The following MECOM variants were observed in gnomAD, a reference collection of about 807,000 sequenced individuals.
MECOM encodes histone-lysine N-methyltransferase MECOM.
Under a neutral mutation model 116.3 loss-of-function variants are expected in MECOM, and 13 were observed. That is an observed-to-expected ratio of 0.11 (90% CI 0.07 to 0.18). The LOEUF is 0.18. MECOM is among the 10% of genes least tolerant of loss of function. The pLI is 1.00. For missense variants in MECOM, 1,299 were observed against 1,509.0 expected (o/e 0.86, Z 2.31); for synonymous variants, 528 against 535.2 (o/e 0.99, Z 0.19).
At chr3:169,359,447 A>G (rs1727828510) in intron 2 of MECOM, among the ~76,000 whole-genome samples, 1 of 151,754 alleles carries the variant, frequency 6.6e-6, no homozygotes, top group African/African-American at 2.4e-5. Flanking sequence ...AAGCCCACCA[A>G]GTGACATCAT....
rs1453120808 is a variant in MECOM at position 169,381,497 on chromosome 3, G to A, written c.65C>T (p.Pro22Leu). The part of the protein sequence containing the change: ...TNNECVYGNY[P>L]EIPLEEMPDA... The stretch of plus-strand genomic sequence containing the variant: ...TGGCATTTCTTCCAAAGGTATTTCA[G>A]GGTAGTTGCCATATACACACTCATT... Residue 22 changes from proline to leucine, a missense_variant, in exon 2 of 17, where the codon CCT becomes CTT. Around this residue, in one of 6 missense-constraint regions of MECOM, gnomAD observed 374 missense variants for 433.4 expected, o/e 0.86. Coordinates refer to ENST00000651503, the MANE Select transcript of MECOM (RefSeq NM_004991.4). The A allele has an allele frequency of 5.6e-6, 9 of 1,611,398 alleles. No individual in the cohort carries two copies. The highest frequency in any genetic ancestry group is 7.6e-6 in the Non-Finnish European group (9 of 1,178,612).
intron 2 of MECOM, among the ~76,000 whole-genome samples, chr3:169,275,469 A>G (rs1280166162): frequency 6.6e-6 from 1 of 152,232 alleles, no homozygotes; most frequent in African/African-American, 2.4e-5. Flanking sequence ...CGTTTAAAGT[A>G]TGCTATATCT....
At chr3:169,157,808 AG>A (rs1180687930) in intron 2 of MECOM, among the ~76,000 whole-genome samples, 1 of 152,132 alleles carries the variant, frequency 6.6e-6, no homozygotes, top group African/African-American at 2.4e-5. Context: ...TACAACTAGA[AG>A]GGGGGGATGC....
chr3:169,663,506 CT>C lies in MECOM; in HGVS notation c.-135del. The C allele has an allele frequency of 6.0e-6, 4 of 670,542 alleles. No homozygotes were observed. The highest frequency in any genetic ancestry group is 5.5e-5 in the South Asian group (3 of 54,118). 41.5% of individuals were successfully genotyped at this position (670,542 alleles called of 1,614,324 possible). A position where few individuals can be genotyped will look rare whatever the true frequency, so the allele number is the denominator to read the frequency against. The stretch of plus-strand genomic sequence containing the variant: ...TCTCTCTCTCTCTCTCTCTCTCTCT[CT>C]CTCTCTCTCTCTCTCTCTCTCTCCC... On this transcript the variant is annotated 5_prime_UTR_variant, in exon 1 of 17. Coordinates refer to ENST00000651503, the MANE Select transcript of MECOM (RefSeq NM_004991.4).
chr3:169,163,601 T>G (rs568939646), intron 2 of MECOM, among the ~76,000 whole-genome samples: 1 of 152,296 alleles, frequency 6.6e-6, no homozygotes, highest in Admixed American at 6.5e-5. Context: ...CTCAATAAGA[T>G]TGAGTATAGA....
At chr3:169,259,026 G>C (rs954270765) in intron 2 of MECOM, among the ~76,000 whole-genome samples, 2 of 152,084 alleles carry the variant, frequency 1.3e-5, no homozygotes, top group East Asian at 1.9e-4. Context: ...TCAGGCTCTC[G>C]ACTCTATCAT....
At chr3:169,484,592 T>A (rs1457865012) in intron 1 of MECOM, among the ~76,000 whole-genome samples, 1 of 152,152 alleles carries the variant, frequency 6.6e-6, no homozygotes, top group Non-Finnish European at 1.5e-5. Context: ...TCAAAGAAAT[T>A]TTAAAGAAAA....
chr3:169,648,996 A>G (rs1450552928), intron 1 of MECOM, among the ~76,000 whole-genome samples: 1 of 152,202 alleles, frequency 6.6e-6, no homozygotes, highest in African/African-American at 2.4e-5. Context: ...TGCACAAAGG[A>G]TAAAATACGC....
At chr3:169,099,017 A>G (rs1185948856) in intron 12 of MECOM, among the ~76,000 whole-genome samples, 2 of 151,638 alleles carry the variant, frequency 1.3e-5, no homozygotes, top group Admixed American at 1.3e-4. Context: ...TTAACATTCA[A>G]TTGATCTTCC....
At chr3:169,376,144 A>G (rs1730996540) in intron 2 of MECOM, among the ~76,000 whole-genome samples, 1 of 152,064 alleles carries the variant, frequency 6.6e-6, no homozygotes, top group Non-Finnish European at 1.5e-5. Flanking sequence ...CACGCTAAAA[A>G]CTCTCAATAA....
rs147506896 is a variant in MECOM, at chr3:169,471,775, G to A, written c.38-90251C>T. ...GAGGCAAACAAAGCACTTCCATGTC[G>A]TTTCCCTCTTCTGTTTTTCTCCTTG... On this transcript the variant is annotated intron_variant, in intron 1 of 16. Coordinates refer to ENST00000651503, the MANE Select transcript of MECOM (RefSeq NM_004991.4). 3.2e-3 allele frequency among the ~76,000 whole-genome samples: 489 copies of A among 152,186 alleles called. 4 individuals carry two copies. Among genetic ancestry groups the A allele is most frequent in the African/African-American group, 6.2e-3 (257 of 41,536 alleles).
chr3:169,128,132 AT>A, intron 4 of MECOM, 72 bp from the exon 5 acceptor site: 1 of 1,299,792 alleles, frequency 7.7e-7, no homozygotes. Flanking sequence ...ATCTTACCAA[AT>A]TTTACAAGAC....
intron 2 of MECOM, among the ~76,000 whole-genome samples, chr3:169,151,134 A>G (rs1448209043): frequency 6.6e-6 from 1 of 152,226 alleles, no homozygotes; most frequent in African/African-American, 2.4e-5. Flanking sequence ...TCCCAGAAGT[A>G]AAAGTTCTGC....
At chr3:169,337,825 A>C (rs1723825189) in intron 2 of MECOM, among the ~76,000 whole-genome samples, 1 of 152,180 alleles carries the variant, frequency 6.6e-6, no homozygotes, top group African/African-American at 2.4e-5. Context: ...TGTGTGTCAA[A>C]GTGTATTTTT....
At chr3:169,290,705 A>G (rs1195300694) in intron 2 of MECOM, among the ~76,000 whole-genome samples, 1 of 152,192 alleles carries the variant, frequency 6.6e-6, no homozygotes, top group Non-Finnish European at 1.5e-5. Flanking sequence ...TTTGAATAGA[A>G]TTGTACCATA....
chr3:169,391,916 T>C (rs781274752), intron 1 of MECOM, among the ~76,000 whole-genome samples: 3 of 152,126 alleles, frequency 2.0e-5, no homozygotes, highest in Non-Finnish European at 2.9e-5. Flanking sequence ...TGCCTTCTAA[T>C]GGGAACTGAC....
At chr3:169,570,993 AT>A (rs1352779080) in intron 1 of MECOM, among the ~76,000 whole-genome samples, 2 of 152,204 alleles carry the variant, frequency 1.3e-5, no homozygotes, top group Non-Finnish European at 2.9e-5. Flanking sequence ...GGCCAGGGCA[AT>A]CAGGCAAGAG....
At chr3:169,594,174 A>AAAAAAAACC (rs1255613781) in intron 1 of MECOM, among the ~76,000 whole-genome samples, 7 of 125,924 alleles carry the variant, frequency 5.6e-5, no homozygotes, top group African/African-American at 2.3e-4. Flanking sequence ...AAAAAAAAAA[A>AAAAAAAACC]AACACCTTTT....
intron 1 of MECOM, among the ~76,000 whole-genome samples, chr3:169,584,366 C>T (rs948133650): frequency 3.3e-5 from 5 of 151,208 alleles, no homozygotes; most frequent in South Asian, 2.1e-4. Flanking sequence ...GAGATAGAGA[C>T]CATCTTGGCT....
Sources: gnomAD v4.1 joint callset for allele counts (sites outside exome capture counted in the v4.1 genomes callset) on GRCh38, gnomAD v4.1.1 for gene constraint, gnomAD v4.1.1 regional missense constraint, MANE v1.5 for transcripts, NCBI Gene and HGNC (gene_info 2026-07-23, HGNC 2026-07-21) for gene names.